The following SEMA6D variants were observed in gnomAD, a reference collection of about 807,000 sequenced individuals.
SEMA6D encodes the protein semaphorin-6D.
In SEMA6D, 35 loss-of-function variants were observed where a neutral mutation model predicts 106.6. The observed-to-expected ratio is 0.33, with a 90% CI of 0.25 to 0.44. The LOEUF (loss-of-function observed/expected upper bound fraction) is 0.44, where lower values mean the gene tolerates loss of function less well. Ranked by LOEUF, SEMA6D falls within the 20% of genes least tolerant of loss-of-function variation. The pLI is 1.00. For missense variants in SEMA6D, 1,185 were observed against 1,345.9 expected (o/e 0.88, Z 1.87); for synonymous variants, 499 against 487.7 (o/e 1.02, Z -0.31).
rs151061480 is a variant in SEMA6D, at chr15:47,563,225, G to A, written c.-86-37640G>A. The stretch of plus-strand genomic sequence containing the variant: ...CAAATGGGCTCAAGGAAATTTTATT[G>A]TGTGATGGGCATGTCCAAAATCTGG... On this transcript the variant is annotated intron_variant, in intron 3 of 19. Transcript: ENST00000558014. Among the ~76,000 whole-genome samples the A allele has an allele frequency of 2.1e-3, 313 of 152,246 alleles. 1 individual carries two copies. Among genetic ancestry groups the A allele is most frequent in the African/African-American group, 7.1e-3 (297 of 41,560 alleles).
At chr15:47,404,729 C>G (rs1218325349) in intron 1 of SEMA6D, among the ~76,000 whole-genome samples, 2 of 152,248 alleles carry the variant, frequency 1.3e-5, no homozygotes, top group Non-Finnish European at 2.9e-5. Context: ...TGCTATTTTG[C>G]TAAAAGCGTG....
intron 2 of SEMA6D, among the ~76,000 whole-genome samples, chr15:47,439,396 G>T (rs1032150159): frequency 2.0e-5 from 3 of 152,054 alleles, no homozygotes; most frequent in African/African-American, 7.2e-5. Context: ...AGATACTCAA[G>T]ATTCTATACT....
intron 3 of SEMA6D, among the ~76,000 whole-genome samples, chr15:47,524,981 C>G (rs1048260434): frequency 1.3e-5 from 2 of 152,156 alleles, no homozygotes; most frequent in African/African-American, 4.8e-5. Context: ...CTGCTCCCTT[C>G]CTAAAGAGGG....
In SEMA6D at chr15:47,436,392, C is replaced by CAA. The variant is rs963905868; in HGVS notation, c.-159+23931_-159+23932dup. Among the ~76,000 whole-genome samples the CAA allele has an allele frequency of 5.8e-3, 730 of 126,122 alleles. 2 individuals carry two copies. Among genetic ancestry groups the CAA allele is most frequent in the African/African-American group, 0.02 (675 of 34,266 alleles). 82.7% of individuals were successfully genotyped at this position (126,122 alleles called of 152,430 possible). A position where few individuals can be genotyped will look rare whatever the true frequency, so the allele number is the denominator to read the frequency against. ...GCAACAAAAGTGAAAGTCTGTCTCA[C>CAA]AAAAAAAAAAAAGAAAAAAGACTTT... On this transcript the variant is annotated intron_variant, in intron 2 of 19. Transcript: ENST00000558014.
rs77337984 is a variant in SEMA6D at position 47,345,001 on chromosome 15, A to C, written c.-238-67392A>C. 7.5e-3 allele frequency among the ~76,000 whole-genome samples: 1,147 copies of C among 152,328 alleles called. 7 individuals carry two copies. Among genetic ancestry groups the C allele is most frequent in the East Asian group, 0.049 (253 of 5,190 alleles). Reference sequence around the variant, plus strand: ...CGGAATAAAGCTGAAACAAGTATGCATAATTTAAACCCTGAAAACTAGATT... The same window carrying C: ...CGGAATAAAGCTGAAACAAGTATGCCTAATTTAAACCCTGAAAACTAGATT... On this transcript the variant is annotated intron_variant, in intron 1 of 19. Transcript: ENST00000558014.
chr15:47,750,805 A>G (rs1785019703), intron 1 of SEMA6D, among the ~76,000 whole-genome samples: 1 of 152,148 alleles, frequency 6.6e-6, no homozygotes, highest in African/African-American at 2.4e-5. Flanking sequence ...CAATCTCCTC[A>G]TGGCCCACAG....
intron 1 of SEMA6D, among the ~76,000 whole-genome samples, chr15:47,281,542 T>C (rs1196336411): frequency 1.3e-5 from 2 of 151,694 alleles, no homozygotes; most frequent in Non-Finnish European, 2.9e-5. Context: ...AAAGTTAATA[T>C]TGTTATGTGT....
intron 3 of SEMA6D, among the ~76,000 whole-genome samples, chr15:47,538,775 C>G (rs750974157): frequency 7.2e-5 from 11 of 152,078 alleles, no homozygotes; most frequent in Non-Finnish European, 1.2e-4. Flanking sequence ...GTCAAAAAAT[C>G]TACATAAAAT....
chr15:47,362,593 T>C (rs1015318020), intron 1 of SEMA6D, among the ~76,000 whole-genome samples: 1 of 152,090 alleles, frequency 6.6e-6, no homozygotes, highest in Non-Finnish European at 1.5e-5. Flanking sequence ...AGAAATCTAC[T>C]CTAGTCTCTG....
intron 1 of SEMA6D, among the ~76,000 whole-genome samples, chr15:47,365,895 GAGAGA>G (rs2039003432): frequency 1.0e-4 from 5 of 48,404 alleles, no homozygotes; most frequent in Non-Finnish European, 1.7e-4. Flanking sequence ...AGAGAGGAGA[GAGAGA>G]GAGAGAGAGA....
In SEMA6D at chr15:47,770,779, G is replaced by C. The variant is rs1567120392; in HGVS notation, c.2216G>C (p.Ser739Thr). ...AATATTGATTCTCCTAAACTGTATA[G>C]TAACCTGCTAACCAGTCGGAAAGAG... ...QQNIDSPKLY[S>T]NLLTSRKELP... Residue 739 changes from serine to threonine, a missense_variant, in exon 19 of 19, where the codon AGT becomes ACT. Transcript: ENST00000536845. 1 of 1,614,040 alleles carries C rather than the reference G, an allele frequency of 6.2e-7. No homozygotes were observed. Among genetic ancestry groups the C allele is most frequent in the Non-Finnish European group, 8.5e-7 (1 of 1,180,000 alleles).
intron 3 of SEMA6D, among the ~76,000 whole-genome samples, chr15:47,490,304 A>G (rs1192189729): frequency 2.0e-5 from 3 of 152,180 alleles, no homozygotes; most frequent in Admixed American, 2.0e-4. Flanking sequence ...CATTTTTGAT[A>G]AGCTGGACTT....
Position 47,723,931 on chromosome 15 carries a change from T to C in SEMA6D, c.-55+6239T>C, listed in dbSNP as rs545885634. Among the ~76,000 whole-genome samples the C allele has an allele frequency of 3.9e-5, 6 of 152,362 alleles. No homozygotes were observed. In the South Asian group the frequency reaches 1.2e-3, roughly 32 times the overall value. On this transcript the variant is annotated intron_variant, in intron 1 of 18. Coordinates refer to ENST00000536845, the MANE Select transcript of SEMA6D (RefSeq NM_001358351.3). ...ACTTAAAAATAACGTCAGGAGTTTC[T>C]ACTCAGCTGAGGAACTGGCACATAA...
chr15:47,247,741 T>G (rs1034767679), intron 1 of SEMA6D, among the ~76,000 whole-genome samples: 1 of 152,200 alleles, frequency 6.6e-6, no homozygotes, highest in African/African-American at 2.4e-5. Context: ...GTGTGTGTCA[T>G]ATTTGATTCT....
chr15:47,668,332 T>TGG (rs1485534020), intron 4 of SEMA6D, among the ~76,000 whole-genome samples: 1 of 152,154 alleles, frequency 6.6e-6, no homozygotes, highest in East Asian at 1.9e-4. Context: ...TGGAAAACAT[T>TGG]AAGACAAAAA....
intron 1 of SEMA6D, among the ~76,000 whole-genome samples, chr15:47,200,050 A>G (rs1461405546): frequency 6.6e-6 from 1 of 152,138 alleles, no homozygotes; most frequent in African/African-American, 2.4e-5. Context: ...CACTTTTATG[A>G]TGTATATCTA....
chr15:47,759,505 C>G (rs2081951084), intron 1 of SEMA6D, among the ~76,000 whole-genome samples: 1 of 152,142 alleles, frequency 6.6e-6, no homozygotes, highest in South Asian at 2.1e-4. Flanking sequence ...ATACAATTAC[C>G]TCCAAAATTC....
chr15:47,425,384 ATTAT>A (rs2041297156), intron 2 of SEMA6D, among the ~76,000 whole-genome samples: 2 of 151,952 alleles, frequency 1.3e-5, no homozygotes, highest in South Asian at 4.2e-4. Flanking sequence ...CTTTTAATTA[ATTAT>A]TTATTTTTAT....
intron 3 of SEMA6D, among the ~76,000 whole-genome samples, chr15:47,559,200 G>A (rs1427471673): frequency 2.6e-5 from 4 of 151,834 alleles, no homozygotes; most frequent in Non-Finnish European, 5.9e-5. Flanking sequence ...TCAAGGACAC[G>A]AATATTGAAA....
Sources: allele counts gnomAD v4.1 joint callset (sites outside exome capture counted in the v4.1 genomes callset), GRCh38; gene constraint gnomAD v4.1.1; transcripts MANE v1.5; gene names NCBI Gene and HGNC (gene_info 2026-07-23, HGNC 2026-07-21).